Variants in MED12L observed in about 807,000 individuals in gnomAD.
MED12L encodes the protein mediator complex subunit 12L.
MED12L carries 60 observed loss-of-function variants against 281.3 expected under a neutral mutation model. The ratio of observed to expected loss-of-function variants is 0.21; its 90% CI spans 0.17 to 0.26. The LOEUF is 0.26. MED12L is among the 10% of genes least tolerant of loss of function. The probability of loss-of-function intolerance (pLI) is 1.00; values close to 1 mark genes in which losing one functional copy is unlikely to be tolerated. For synonymous variants in MED12L, 974 were observed against 987.2 expected (o/e 0.99, Z 0.25); for missense variants, 2,146 against 2,680.9 (o/e 0.80, Z 4.41).
chr3:151,251,439 A>AT (rs967416257), intron 16 of MED12L, among the ~76,000 whole-genome samples: 1 of 151,622 alleles, frequency 6.6e-6, no homozygotes, highest in African/African-American at 2.4e-5. Flanking sequence ...ACCTCAGGTC[A>AT]TTTTTTGTCT....
chr3:151,424,496 G>A lies in MED12L; in HGVS notation c.6409-5803G>A, dbSNP rs1052524761. ...TAGCTGGGTGTGGTGGTGGGCGCTG[G>A]TAGTCCCAGCTACCCGGGAGGCTGA... is the stretch of plus-strand genomic sequence containing the variant. On this transcript the variant is annotated intron_variant, in intron 43 of 44. Transcript: ENST00000687756. 2.0e-5 allele frequency among the ~76,000 whole-genome samples: 3 copies of A among 152,048 alleles called. No individual in the cohort carries two copies. In the East Asian group the frequency reaches 5.8e-4, roughly 29 times the overall value.
rs537913372 is a variant in MED12L at position 151,137,028 on chromosome 3, G to A, written c.556+9044G>A. ...AATACAAAAATTAACTGGGCATGGC[G>A]GCATGTGCCTGTAATCCCAGCTACT... is the stretch of plus-strand genomic sequence containing the variant. On this transcript the variant is annotated intron_variant, in intron 5 of 44. Coordinates refer to ENST00000687756, the MANE Select transcript of MED12L (RefSeq NM_001393769.1). Among the ~76,000 whole-genome samples the A allele has an allele frequency of 5.9e-5, 9 of 151,942 alleles. No homozygotes were observed. The South Asian group carries it at 8.3e-4, about 14-fold the overall frequency.
chr3:151,119,477 C>T (rs984521733), intron 3 of MED12L, among the ~76,000 whole-genome samples: 1 of 152,120 alleles, frequency 6.6e-6, no homozygotes, highest in Non-Finnish European at 1.5e-5. Flanking sequence ...TGTGTTCCTC[C>T]GTGGTGTCTC....
Position 151,174,037 on chromosome 3 carries a change from A to T in MED12L, c.1494+8055A>T, listed in dbSNP as rs145570103. Among the ~76,000 whole-genome samples the T allele has an allele frequency of 5.0e-3, 763 of 152,270 alleles. 7 individuals are homozygous for T. Among genetic ancestry groups the T allele is most frequent in the African/African-American group, 0.018 (736 of 41,536 alleles). Reference sequence around the variant, plus strand: ...ATATTTGAGAGTAGAAGTGTTTAGGAGTTTAGACTTTTTTCAGATTTTGGA... The same window carrying T: ...ATATTTGAGAGTAGAAGTGTTTAGGTGTTTAGACTTTTTTCAGATTTTGGA... On this transcript the variant is annotated intron_variant, in intron 11 of 44. Transcript: ENST00000687756.
intron 32 of MED12L, 46 bp downstream of exon 32, chr3:151,380,270 G>A (rs912138084): frequency 2.3e-6 from 3 of 1,290,726 alleles, no homozygotes; most frequent in African/African-American, 3.0e-5. Context: ...CTTTCTAACG[G>A]CATTCATTTA....
chr3:151,248,864 C>G (rs940048866), intron 16 of MED12L: 2 of 152,104 alleles, frequency 1.3e-5, no homozygotes, highest in South Asian at 2.1e-4. Flanking sequence ...TTCTTACTTA[C>G]CAATTTTTCC....
Position 151,370,797 on chromosome 3 carries a change from G to A in MED12L, c.3664+1248G>A, listed in dbSNP as rs1223778966. On this transcript the variant is annotated intron_variant, in intron 26 of 44. Transcript: ENST00000687756. ...AGTTTTCAATAAAATTATGTTGGAA[G>A]TGTGAATCTATAAATGACAAATATG... Among the ~76,000 whole-genome samples the A allele has an allele frequency of 2.0e-5, 3 of 152,224 alleles. No homozygotes were observed. The South Asian group carries it at 6.2e-4, about 32-fold the overall frequency.
intron 36 of MED12L, among the ~76,000 whole-genome samples, chr3:151,385,425 T>C (rs1713162821): frequency 6.6e-6 from 1 of 152,176 alleles, no homozygotes; most frequent in Admixed American, 6.5e-5. Context: ...TGAATTTAAG[T>C]AAATTTTTGG....
chr3:151,166,567 A>G (rs1328713004), intron 11 of MED12L, among the ~76,000 whole-genome samples: 3 of 152,140 alleles, frequency 2.0e-5, no homozygotes, highest in Non-Finnish European at 4.4e-5. Context: ...TGGGGCTGGC[A>G]AATTTGAGAT....
intron 12 of MED12L, 112 bp from the exon 13 acceptor site, chr3:151,188,242 A>T: frequency 2.7e-6 from 2 of 743,608 alleles, no homozygotes; most frequent in Non-Finnish European, 4.3e-6. Context: ...CATATCAATT[A>T]ATTTTACATG....
chr3:151,424,951 A>T (rs1384560681), intron 43 of MED12L, among the ~76,000 whole-genome samples: 1 of 152,216 alleles, frequency 6.6e-6, no homozygotes, highest in African/African-American at 2.4e-5. Flanking sequence ...TGGTCACAGC[A>T]AAAACCTCTT....
In MED12L at chr3:151,284,827, C is replaced by T. The variant is rs368224984; in HGVS notation, c.2251-65232C>T. 3.3e-5 allele frequency among the ~76,000 whole-genome samples: 5 copies of T among 152,098 alleles called. No individual in the cohort carries two copies. The East Asian group carries it at 5.8e-4, about 18-fold the overall frequency. On this transcript the variant is annotated intron_variant, in intron 16 of 44. Coordinates refer to ENST00000687756, the MANE Select transcript of MED12L (RefSeq NM_001393769.1). The stretch of plus-strand genomic sequence containing the variant: ...TTCTCTATGTTGGTCAGGCTGGTCT[C>T]GAACTCCCGACCTCAGGTGATCCAC...
At chr3:151,167,136 C>T (rs1720825516) in intron 11 of MED12L, among the ~76,000 whole-genome samples, 1 of 152,158 alleles carries the variant, frequency 6.6e-6, no homozygotes, top group Admixed American at 6.5e-5. Flanking sequence ...CAACTGGATA[C>T]AATAGCTTAG....
At chr3:151,412,857 A>G (rs112319101) in intron 41 of MED12L, among the ~76,000 whole-genome samples, 1 of 152,214 alleles carries the variant, frequency 6.6e-6, no homozygotes, top group African/African-American at 2.4e-5. Context: ...GCCTGCTTCA[A>G]AGTAAATGCT....
chr3:151,263,261 G>A (rs1244537018), intron 16 of MED12L, among the ~76,000 whole-genome samples: 3 of 152,154 alleles, frequency 2.0e-5, no homozygotes, highest in Non-Finnish European at 4.4e-5. Flanking sequence ...TCATCAGCAC[G>A]TGAAACTGCT....
chr3:151,122,987 T>C lies in MED12L; in HGVS notation c.396+13T>C, dbSNP rs746389207. On this transcript the variant is annotated intron_variant, in intron 4 of 44. Transcript: ENST00000687756. ...TTTGGCAAAAAAGGTATCAAATATT[T>C]CTTACATTGTTTTAGTTATGGTCTT... The C allele has an allele frequency of 1.9e-6, 3 of 1,582,014 alleles. No homozygotes were observed. The highest frequency in any genetic ancestry group is 1.7e-6 in the Non-Finnish European group (2 of 1,159,074).
intron 3 of MED12L, among the ~76,000 whole-genome samples, chr3:151,117,816 C>T (rs1350095266): frequency 5.3e-5 from 8 of 152,120 alleles, no homozygotes; most frequent in Admixed American, 6.5e-5. Context: ...TATAGGCTGG[C>T]GTGGTGGCTC....
chr3:151,334,786 C>T lies in MED12L; in HGVS notation c.2251-15273C>T, dbSNP rs201347250. Reference sequence around the variant, plus strand: ...AAGTACTGGGATTACAGGTGTGAGCCACTGCACCAGGTCCCCCAGTCTTCT... The same window carrying T: ...AAGTACTGGGATTACAGGTGTGAGCTACTGCACCAGGTCCCCCAGTCTTCT... On this transcript the variant is annotated intron_variant, in intron 16 of 44. Coordinates refer to ENST00000687756, the MANE Select transcript of MED12L (RefSeq NM_001393769.1). Among the ~76,000 whole-genome samples, 903 of 152,280 alleles carry T rather than the reference C, an allele frequency of 5.9e-3. 6 individuals are homozygous for T. Among genetic ancestry groups the T allele is most frequent in the Non-Finnish European group, 1.0e-2 (677 of 68,022 alleles).
intron 16 of MED12L, among the ~76,000 whole-genome samples, chr3:151,224,853 G>A (rs563647607): frequency 6.6e-6 from 1 of 152,090 alleles, no homozygotes; most frequent in Non-Finnish European, 1.5e-5. Context: ...TGTTTATATA[G>A]TGTAACCTTT....
Sources: allele counts gnomAD v4.1 joint callset (sites outside exome capture counted in the v4.1 genomes callset), GRCh38; gene constraint gnomAD v4.1.1; transcripts MANE v1.5; gene names NCBI Gene and HGNC (gene_info 2026-07-23, HGNC 2026-07-21).